Variants in LRBA observed in about 807,000 individuals in gnomAD.
LRBA encodes LPS responsive beige-like anchor protein.
A neutral mutation model predicts 330.0 loss-of-function variants in LRBA; 176 were observed. That is an observed-to-expected ratio of 0.53 (90% CI 0.47 to 0.60). The LOEUF (loss-of-function observed/expected upper bound fraction) is 0.60, where lower values mean the gene tolerates loss of function less well. Ranked by LOEUF, LRBA falls within the 20% of genes least tolerant of loss-of-function variation. The probability of loss-of-function intolerance (pLI) is 0.00; values close to 1 mark genes in which losing one functional copy is unlikely to be tolerated. For missense variants in LRBA, 3,259 were observed against 3,444.8 expected (o/e 0.95, Z 1.35); for synonymous variants, 1,230 against 1,193.0 (o/e 1.03, Z -0.64).
intron 40 of LRBA, among the ~76,000 whole-genome samples, chr4:150,586,516 G>A (rs1772136165): frequency 6.6e-6 from 1 of 152,118 alleles, no homozygotes; most frequent in Non-Finnish European, 1.5e-5. Context: ...CTGAAAAATT[G>A]TTTTTAATAT....
At chr4:150,423,567 C>A (rs912305809) in intron 46 of LRBA, 2 of 372,246 alleles carry the variant, frequency 5.4e-6, no homozygotes, top group South Asian at 2.7e-5. Context: ...CTGTTGCTCC[C>A]TGTCTTTACC....
chr4:150,384,814 G>C (rs1447166260), intron 47 of LRBA, among the ~76,000 whole-genome samples: 1 of 151,672 alleles, frequency 6.6e-6, no homozygotes, highest in African/African-American at 2.4e-5. Context: ...AGGAGATAAG[G>C]GCTTTAAATG....
chr4:150,920,658 A>G (rs1413061372), intron 5 of LRBA, among the ~76,000 whole-genome samples: 2 of 152,226 alleles, frequency 1.3e-5, no homozygotes, highest in Non-Finnish European at 2.9e-5. Context: ...ATGTGCTTCT[A>G]TAACATTACG....
rs540637357 is a variant in LRBA, at chr4:150,922,610, C to T, written c.550-1317G>A. ...AGAAAGATACAATGGACTTTGGGGA[C>T]TTGGGGTAAGAGTGGGAGGCGGGTG... On this transcript the variant is annotated intron_variant, in intron 4 of 56. Coordinates refer to ENST00000651943, the MANE Select transcript of LRBA (RefSeq NM_001364905.1). Among the ~76,000 whole-genome samples, 4 of 152,002 alleles carry T rather than the reference C, an allele frequency of 2.6e-5. No individual in the cohort carries two copies. In the South Asian group the frequency reaches 8.3e-4, roughly 32 times the overall value.
chr4:150,490,610 T>A (rs1420879068), intron 41 of LRBA, among the ~76,000 whole-genome samples: 2 of 151,850 alleles, frequency 1.3e-5, no homozygotes, highest in Non-Finnish European at 2.9e-5. Flanking sequence ...GAATTAAGTA[T>A]CAAAGCAATG....
Position 150,917,182 on chromosome 4 carries a change from A to G in LRBA, c.646-444T>C, listed in dbSNP as rs571979688. Among the ~76,000 whole-genome samples the G allele has an allele frequency of 2.5e-4, 38 of 152,072 alleles. 1 individual carries two copies. The highest frequency in any genetic ancestry group is 1.9e-3 in the Admixed American group (29 of 15,274). On this transcript the variant is annotated intron_variant, in intron 5 of 56. Coordinates refer to ENST00000651943, the MANE Select transcript of LRBA (RefSeq NM_001364905.1). Reference sequence around the variant, plus strand: ...AAAAAAATATATATATATCTGAAAGAAGACTCTTTATCTGGAAGAAGACTC... The same window carrying G: ...AAAAAAATATATATATATCTGAAAGGAGACTCTTTATCTGGAAGAAGACTC...
intron 36 of LRBA, among the ~76,000 whole-genome samples, chr4:150,733,682 T>C (rs1460838186): frequency 6.6e-6 from 1 of 152,044 alleles, no homozygotes; most frequent in Non-Finnish European, 1.5e-5. Context: ...TGTAGCTTCA[T>C]TCCAAAGAGC....
chr4:150,389,911 A>ATTTTTTTTTTTTTTTT (rs34355782), intron 47 of LRBA, among the ~76,000 whole-genome samples: 3 of 111,724 alleles, frequency 2.7e-5, no homozygotes, highest in Non-Finnish European at 3.6e-5. Context: ...TTGTCTGGGT[A>ATTTTTTTTTTTTTTTT]TTTTTTTTTT....
intron 37 of LRBA, among the ~76,000 whole-genome samples, chr4:150,635,074 T>G (rs530076000): frequency 1.3e-5 from 2 of 152,306 alleles, no homozygotes; most frequent in South Asian, 4.1e-4. Context: ...AGTAGAAATC[T>G]TAGAGGCATT....
intron 35 of LRBA, among the ~76,000 whole-genome samples, chr4:150,745,995 A>G (rs567743230): frequency 6.6e-6 from 1 of 152,344 alleles, no homozygotes; most frequent in East Asian, 1.9e-4. Flanking sequence ...TTAATAATGA[A>G]GCAACAAGTG....
intron 43 of LRBA, among the ~76,000 whole-genome samples, chr4:150,470,883 C>T (rs1347570650): frequency 7.3e-6 from 1 of 137,284 alleles, no homozygotes; most frequent in African/African-American, 2.9e-5. Context: ...ACACCACACA[C>T]TAAATTACTT....
intron 2 of LRBA, among the ~76,000 whole-genome samples, chr4:150,931,111 C>T (rs1428570467): frequency 6.6e-6 from 1 of 151,938 alleles, no homozygotes; most frequent in Non-Finnish European, 1.5e-5. Context: ...TGTATTATTT[C>T]CTAATATTGT....
intron 47 of LRBA, among the ~76,000 whole-genome samples, chr4:150,362,904 TCAGCCTGG>T (rs773765865): frequency 1.5e-4 from 23 of 152,060 alleles, no homozygotes; most frequent in African/African-American, 2.9e-4. Flanking sequence ...CAGCTTGAGA[TCAGCCTGG>T]CAGCCTGGCA....
Position 150,623,790 on chromosome 4 carries a change from GA to G in LRBA, c.5922-24660del, listed in dbSNP as rs1776552988. On this transcript the variant is annotated intron_variant, in intron 37 of 56. Transcript: ENST00000651943. ...AGAAGAATGTTCCCCACCTAGATAA[GA>G]AAATTTTATACAATTTATCTAACAA... is the stretch of plus-strand genomic sequence containing the variant. 2.0e-5 allele frequency among the ~76,000 whole-genome samples: 3 copies of G among 151,906 alleles called. No homozygotes were observed. The South Asian group carries it at 6.2e-4, about 32-fold the overall frequency.
intron 46 of LRBA, chr4:150,422,619 G>A: frequency 1.7e-6 from 1 of 590,894 alleles, no homozygotes; most frequent in Non-Finnish European, 3.1e-6. Flanking sequence ...AAGGGACAAG[G>A]TTCCATGAAG....
At chr4:150,727,573 T>C (rs1312656939) in intron 36 of LRBA, among the ~76,000 whole-genome samples, 1 of 152,126 alleles carries the variant, frequency 6.6e-6, no homozygotes, top group Non-Finnish European at 1.5e-5. Context: ...TATTAAAAAC[T>C]ATACAAATAT....
chr4:150,856,782 T>C (rs1456821375), intron 22 of LRBA, among the ~76,000 whole-genome samples: 1 of 152,214 alleles, frequency 6.6e-6, no homozygotes, highest in Admixed American at 6.5e-5. Context: ...GCTAAAAGAC[T>C]AGTCATTAAT....
At chr4:150,978,877 TGCC>T (rs1740517319) in intron 2 of LRBA, among the ~76,000 whole-genome samples, 1 of 152,098 alleles carries the variant, frequency 6.6e-6, no homozygotes, top group South Asian at 2.1e-4. Flanking sequence ...GAATGAAGCA[TGCC>T]TACAAGATCT....
At chr4:150,809,901 ATACGATACG>A (rs1743432165) in intron 31 of LRBA, among the ~76,000 whole-genome samples, 13 of 150,170 alleles carry the variant, frequency 8.7e-5, no homozygotes, top group African/African-American at 2.7e-4. Flanking sequence ...ATACGATACG[ATACGATACG>A]ATACGATACG....
Sources: allele counts gnomAD v4.1 joint callset (sites outside exome capture counted in the v4.1 genomes callset), GRCh38; gene constraint gnomAD v4.1.1; transcripts MANE v1.5; gene names NCBI Gene and HGNC (gene_info 2026-07-23, HGNC 2026-07-21).